Variants in NOVA1 observed in about 807,000 individuals in gnomAD.
NOVA1 encodes NOVA alternative splicing regulator 1, also known as RNA-binding protein Nova-1.
Under a neutral mutation model 38.0 loss-of-function variants are expected in NOVA1, and 7 were observed. The ratio of observed to expected loss-of-function variants is 0.18; its 90% CI spans 0.10 to 0.35. The LOEUF (loss-of-function observed/expected upper bound fraction) is 0.35, where lower values mean the gene tolerates loss of function less well. Ranked by LOEUF, NOVA1 falls within the 10% of genes least tolerant of loss-of-function variation. The pLI is 1.00. For synonymous variants in NOVA1, 270 were observed against 232.5 expected, an observed-to-expected ratio of 1.16 and a Z score of -1.47; for missense variants, 460 against 616.0, an observed-to-expected ratio of 0.75 and a Z score of 2.68.
intron 2 of NOVA1, among the ~76,000 whole-genome samples, chr14:26,511,709 G>A (rs178182): frequency 0.64 from 97,101 of 151,614 alleles, 33,276 homozygotes; most frequent in South Asian, 0.76. Flanking sequence ...CCGAGATAGC[G>A]CCACTGCACT....
chr14:26,523,773 C>T (rs1442121133), intron 2 of NOVA1, among the ~76,000 whole-genome samples: 1 of 112,050 alleles, frequency 8.9e-6, no homozygotes, highest in Non-Finnish European at 1.7e-5. Context: ...TTTTTTGAGA[C>T]GGACTCTCGC....
intron 2 of NOVA1, among the ~76,000 whole-genome samples, chr14:26,594,743 G>A (rs1594600119): frequency 1.3e-5 from 2 of 149,374 alleles, no homozygotes; most frequent in Non-Finnish European, 3.0e-5. Context: ...ATACCACCAA[G>A]GAAACTTCCC....
chr14:26,485,359 T>C (rs992982501), intron 2 of NOVA1, among the ~76,000 whole-genome samples: 1 of 152,114 alleles, frequency 6.6e-6, no homozygotes, highest in Non-Finnish European at 1.5e-5. Flanking sequence ...AAAAAGCAGA[T>C]ATATTTCGGA....
chr14:26,537,793 A>G (rs1890207888), intron 2 of NOVA1, among the ~76,000 whole-genome samples: 1 of 152,178 alleles, frequency 6.6e-6, no homozygotes, highest in South Asian at 2.1e-4. Flanking sequence ...AAAGACTATG[A>G]GGAGAGAACA....
chr14:26,536,731 A>AG (rs1566515227), intron 2 of NOVA1, among the ~76,000 whole-genome samples: 1 of 152,048 alleles, frequency 6.6e-6, no homozygotes, highest in African/African-American at 2.4e-5. Context: ...AATGGAAAAA[A>AG]GGGGGGGAAA....
chr14:26,544,352 A>G (rs1158139512), intron 2 of NOVA1, among the ~76,000 whole-genome samples: 1 of 151,954 alleles, frequency 6.6e-6, no homozygotes, highest in Admixed American at 6.6e-5. Context: ...CCAGAAAAGC[A>G]AGAGAAGAAT....
intron 2 of NOVA1, among the ~76,000 whole-genome samples, chr14:26,489,944 ACT>A (rs1288014434): frequency 6.6e-6 from 1 of 152,150 alleles, no homozygotes; most frequent in East Asian, 1.9e-4. Context: ...TTGTACATAT[ACT>A]CTCACTATCT....
intron 2 of NOVA1, among the ~76,000 whole-genome samples, chr14:26,511,665 T>A (rs1888101876): frequency 6.6e-6 from 1 of 151,616 alleles, no homozygotes; most frequent in African/African-American, 2.4e-5. Context: ...GGCAGGAGAA[T>A]CGCTTGAACC....
intron 4 of NOVA1, among the ~76,000 whole-genome samples, chr14:26,455,804 C>A (rs178226): frequency 0.93 from 141,957 of 151,976 alleles, 67,013 homozygotes; most frequent in East Asian, 1. Context: ...AATTACTTCA[C>A]AAAAGAAAAC....
intron 2 of NOVA1, among the ~76,000 whole-genome samples, chr14:26,577,304 T>C (rs1312310019): frequency 6.6e-6 from 1 of 152,168 alleles, no homozygotes; most frequent in Non-Finnish European, 1.5e-5. Context: ...TCGATACTGA[T>C]ATTTCTTAAA....
At chr14:26,510,960 C>T (rs1888040357) in intron 2 of NOVA1, among the ~76,000 whole-genome samples, 1 of 151,982 alleles carries the variant, frequency 6.6e-6, no homozygotes, top group South Asian at 2.1e-4. Flanking sequence ...TTTAACAATT[C>T]AATAAACAGA....
chr14:26,539,017 G>T (rs1476891594), intron 2 of NOVA1, among the ~76,000 whole-genome samples: 2 of 152,198 alleles, frequency 1.3e-5, no homozygotes, highest in East Asian at 3.9e-4. Flanking sequence ...CAACTCAAAT[G>T]ATCCTTCTCC....
Position 26,461,444 on chromosome 14 carries a change from T to C in NOVA1, c.519+10876A>G, listed in dbSNP as rs553330674. Among the ~76,000 whole-genome samples, 6 of 152,260 alleles carry C rather than the reference T, an allele frequency of 3.9e-5. No homozygotes were observed. The South Asian group carries it at 1.0e-3, about 26-fold the overall frequency. On this transcript the variant is annotated intron_variant, in intron 4 of 4. Coordinates refer to ENST00000539517, the MANE Select transcript of NOVA1 (RefSeq NM_002515.3). ...GTGCTGCTTTCAGTGGTATTTTAAA[T>C]AGCTTCACCACATACTATTTAACTT...
At chr14:26,566,524 T>C (rs1051005241) in intron 2 of NOVA1, among the ~76,000 whole-genome samples, 1 of 152,072 alleles carries the variant, frequency 6.6e-6, no homozygotes, top group African/African-American at 2.4e-5. Flanking sequence ...GCTTTGAAAA[T>C]AGTAAATGTT....
At chr14:26,472,069 C>A in intron 4 of NOVA1, 1 of 454,264 alleles carries the variant, frequency 2.2e-6, no homozygotes. Flanking sequence ...ATTAGGTAGT[C>A]AAATTTTAAG....
intron 2 of NOVA1, among the ~76,000 whole-genome samples, chr14:26,539,534 T>C (rs1353327967): frequency 6.6e-6 from 1 of 151,986 alleles, no homozygotes; most frequent in Non-Finnish European, 1.5e-5. Context: ...CTCTTATGTA[T>C]ATATATGTGT....
At chr14:26,485,473 A>C (rs1885812563) in intron 2 of NOVA1, among the ~76,000 whole-genome samples, 3 of 152,298 alleles carry the variant, frequency 2.0e-5, no homozygotes, top group African/African-American at 4.8e-5. Context: ...ATAATTTAAC[A>C]ATTTTTTTCT....
At chr14:26,562,445 G>A (rs1419601163) in intron 2 of NOVA1, among the ~76,000 whole-genome samples, 1 of 152,136 alleles carries the variant, frequency 6.6e-6, no homozygotes, top group East Asian at 1.9e-4. Flanking sequence ...TTGCTGCTAA[G>A]TATGGCAGAT....
intron 2 of NOVA1, among the ~76,000 whole-genome samples, chr14:26,492,810 T>TTAC (rs57344933): frequency 2.0e-5 from 3 of 150,366 alleles, no homozygotes; most frequent in African/African-American, 7.3e-5. Context: ...CTACTAAACA[T>TTAC]AAAAATTAGC....
Sources: gnomAD v4.1 joint callset for allele counts (sites outside exome capture counted in the v4.1 genomes callset) on GRCh38, gnomAD v4.1.1 for gene constraint, MANE v1.5 for transcripts, NCBI Gene and HGNC (gene_info 2026-07-23, HGNC 2026-07-21) for gene names.